The following ZBTB25 variants were observed in gnomAD, a reference collection of about 807,000 sequenced individuals.
ZBTB25 encodes the protein zinc finger and BTB domain containing 25.
In ZBTB25, 20 loss-of-function variants were observed where a neutral mutation model predicts 34.2. That is an observed-to-expected ratio of 0.58 (90% confidence interval 0.41 to 0.85). The LOEUF is 0.85. Among genes scored for constraint, ZBTB25 ranks in the 40% least tolerant of loss-of-function variants. The pLI is 0.00. For missense variants in ZBTB25, 437 were observed against 521.8 expected, an observed-to-expected ratio of 0.84 and a Z score of 1.58; for synonymous variants, 175 against 186.4, an observed-to-expected ratio of 0.94 and a Z score of 0.50.
intron 2 of ZBTB25, chr14:64,462,974 T>C (rs2078570250): frequency 6.6e-6 from 1 of 152,162 alleles, no homozygotes; most frequent in South Asian, 2.1e-4. Flanking sequence ...CAGTAGAGTA[T>C]TGCTCAGATA....
intron 1 of ZBTB25, among the ~76,000 whole-genome samples, chr14:64,501,742 C>T (rs951360406): frequency 6.6e-6 from 1 of 152,184 alleles, no homozygotes; most frequent in African/African-American, 2.4e-5. Context: ...CCAGCACAGC[C>T]CTGGCCAGGA....
intron 2 of ZBTB25, chr14:64,469,325 T>A: frequency 6.2e-7 from 1 of 1,613,634 alleles, no homozygotes; most frequent in South Asian, 1.1e-5. Flanking sequence ...AGATACTGAA[T>A]TGAGCCAAGA....
chr14:64,477,855 G>A (rs557974704), downstream of ZBTB25, among the ~76,000 whole-genome samples: 4 of 152,276 alleles, frequency 2.6e-5, no homozygotes, highest in South Asian at 4.1e-4. Flanking sequence ...AATCTGACAC[G>A]GAACCTCCTG....
chr14:64,458,764 AT>A (rs1474259041), intron 2 of ZBTB25: 5 of 204,982 alleles, frequency 2.4e-5, no homozygotes, highest in Non-Finnish European at 5.0e-5. Flanking sequence ...AACAGGACCA[AT>A]CTGGCAGTTC....
rs561581305 is a variant in ZBTB25, at chr14:64,480,662, T to G, written c.*6261A>C. 6.4e-6 allele frequency: 1 copy of G among 155,428 alleles called. No individual in the cohort carries two copies. The highest frequency in any genetic ancestry group is 1.4e-5 in the Non-Finnish European group (1 of 70,030). The allele number at this position is 155,428 out of a possible 1,614,324, so 9.6% of individuals were successfully genotyped here. ...TTTGTCTTGATAAAATATATGAAAT[T>G]CATTGTTTCTTGCTCTGTCGCCAGG... On this transcript the variant is annotated 3_prime_UTR_variant, in exon 3 of 3. Transcript: ENST00000608382.
downstream of ZBTB25, among the ~76,000 whole-genome samples, chr14:64,477,089 GTCTA>G (rs1157268440): frequency 6.6e-6 from 1 of 152,160 alleles, no homozygotes; most frequent in Admixed American, 6.5e-5. Flanking sequence ...TATACCACTT[GTCTA>G]TCTTAGTTTA....
Position 64,486,873 on chromosome 14 carries a change from C to G in ZBTB25, c.*50G>C. The stretch of plus-strand genomic sequence containing the variant: ...AATAATTTATGAATTAAAAATGCCA[C>G]GCAAATTTTCTTTTTCAGAATTGGT... On this transcript the variant is annotated 3_prime_UTR_variant, in exon 3 of 3. Coordinates refer to ENST00000608382, the MANE Select transcript of ZBTB25 (RefSeq NM_006977.5). 6.6e-7 allele frequency: 1 copy of G among 1,517,328 alleles called. No homozygotes were observed. The highest frequency in any genetic ancestry group is 8.8e-7 in the Non-Finnish European group (1 of 1,135,988). 94.0% of individuals were successfully genotyped at this position (1,517,328 alleles called of 1,614,324 possible).
intron 2 of ZBTB25, among the ~76,000 whole-genome samples, chr14:64,454,106 G>GA (rs1163222104): frequency 6.6e-6 from 1 of 152,130 alleles, no homozygotes; most frequent in African/African-American, 2.4e-5. Context: ...AAAATATTGA[G>GA]AACGTCTCCA....
intron 2 of ZBTB25, chr14:64,472,120 C>T (rs1483648015): frequency 1.2e-5 from 2 of 166,960 alleles, no homozygotes; most frequent in Non-Finnish European, 2.9e-5. Context: ...AACTTTTAAA[C>T]ATTAAAAACA....
intron 2 of ZBTB25, among the ~76,000 whole-genome samples, chr14:64,451,104 C>A (rs901998213): frequency 6.6e-6 from 1 of 151,980 alleles, no homozygotes; most frequent in African/African-American, 2.4e-5. Flanking sequence ...GGGAGGCGGA[C>A]GTTGCAATGA....
intron 2 of ZBTB25, chr14:64,453,792 G>C: frequency 6.2e-7 from 1 of 1,613,018 alleles, no homozygotes; most frequent in Non-Finnish European, 8.5e-7. Flanking sequence ...TTGCACAGAA[G>C]ATCTATGGAG....
At position 64,449,337 on chromosome 14, in the gene ZBTB25, G is replaced by T; in HGVS notation, c.*214C>A. ...AAACCCAGGCCAAATTTCTTGGTTA[G>T]TGTTCGTTTATCAGTGGGTAATTCA... On this transcript the variant is annotated 3_prime_UTR_variant, in exon 3 of 3. Transcript: ENST00000555220. 3.8e-6 allele frequency: 5 copies of T among 1,313,670 alleles called. No homozygotes were observed. In the Admixed American group the frequency reaches 8.5e-5, roughly 22 times the overall value. 81.4% of individuals were successfully genotyped at this position (1,313,670 alleles called of 1,614,324 possible). A position where few individuals can be genotyped will look rare whatever the true frequency, so the allele number is the denominator to read the frequency against.
downstream of ZBTB25, among the ~76,000 whole-genome samples, chr14:64,476,488 T>C (rs1353761458): frequency 1.4e-5 from 2 of 139,828 alleles, no homozygotes; most frequent in South Asian, 4.6e-4. Context: ...GCCCGGCTAA[T>C]TTTTTTCTCT....
At chr14:64,468,542 A>C in intron 2 of ZBTB25, 1 of 1,614,084 alleles carries the variant, frequency 6.2e-7, no homozygotes, top group South Asian at 1.1e-5. Context: ...ACTGAAGCCC[A>C]AAGCTGGCTC....
rs1171107269 is a variant in ZBTB25 at position 64,485,489 on chromosome 14, C to G, written c.*1434G>C. 1 of 985,196 alleles carries G rather than the reference C, an allele frequency of 1.0e-6. No individual in the cohort carries two copies. The highest frequency in any genetic ancestry group is 6.2e-5 in the Admixed American group (1 of 16,256). 61.0% of individuals were successfully genotyped at this position (985,196 alleles called of 1,614,324 possible). A position where few individuals can be genotyped will look rare whatever the true frequency, so the allele number is the denominator to read the frequency against. On this transcript the variant is annotated 3_prime_UTR_variant, in exon 3 of 3. Coordinates refer to ENST00000608382, the MANE Select transcript of ZBTB25 (RefSeq NM_006977.5). ...CCAGCTATTTCCCAGGTATATAGAG[C>G]CGGGGAATCTGTTATTTCTTTCATC...
At chr14:64,461,249 A>G (rs9323450) in intron 2 of ZBTB25, 47,734 of 151,880 alleles carry the variant, frequency 0.31, 7,981 homozygotes, top group East Asian at 0.57. Context: ...CCCTAGGTCC[A>G]TGTCAATGTT....
At chr14:64,475,477 A>G (rs2078711618), downstream of ZBTB25, among the ~76,000 whole-genome samples, 1 of 152,082 alleles carries the variant, frequency 6.6e-6, no homozygotes, top group African/African-American at 2.4e-5. Context: ...GGTTTAAAAA[A>G]AAAAAAAAAG....
At chr14:64,471,680 TTGAG>T (rs551810288) in intron 2 of ZBTB25, 295 of 166,844 alleles carry the variant, frequency 1.8e-3, no homozygotes, top group African/African-American at 6.8e-3. Flanking sequence ...ATTGTGTAAA[TTGAG>T]TGATTGTGTT....
At chr14:64,473,548 T>C (rs1217813870), downstream of ZBTB25, 1 of 167,130 alleles carries the variant, frequency 6.0e-6, no homozygotes, top group Non-Finnish European at 1.5e-5. Context: ...ACTTCATCCA[T>C]ACATTTCTAA....
Sources: gnomAD v4.1 joint callset for allele counts (sites outside exome capture counted in the v4.1 genomes callset) on GRCh38, gnomAD v4.1.1 for gene constraint, MANE v1.5 for transcripts, NCBI Gene and HGNC (gene_info 2026-07-23, HGNC 2026-07-21) for gene names.